The following TSPAN7 variants were observed in gnomAD, a reference collection of about 807,000 sequenced individuals.
TSPAN7 encodes tetraspanin-7.
Under a neutral mutation model 17.6 loss-of-function variants are expected in TSPAN7, and 1 was observed. That is an observed-to-expected ratio of 0.06 (90% CI 0.02 to 0.27). The LOEUF (loss-of-function observed/expected upper bound fraction) is 0.27, where lower values mean the gene tolerates loss of function less well. TSPAN7 is among the 10% of genes least tolerant of loss of function. The probability of loss-of-function intolerance (pLI) is 1.00; values close to 1 mark genes in which losing one functional copy is unlikely to be tolerated. For missense variants in TSPAN7, 112 were observed against 201.7 expected, an observed-to-expected ratio of 0.56 and a Z score of 2.69; for synonymous variants, 78 against 79.0, an observed-to-expected ratio of 0.99 and a Z score of 0.07.
chrX:38,612,700 G>A (rs767493921), intron 1 of TSPAN7: 1 of 112,012 alleles, frequency 8.9e-6, no homozygotes, highest in Non-Finnish European at 1.9e-5. Flanking sequence ...ACCTGAAAAT[G>A]TCTATTCTAC....
At chrX:38,625,579 T>G (rs1237616268) in intron 1 of TSPAN7, among the ~76,000 whole-genome samples, 1 of 111,890 alleles carries the variant, frequency 8.9e-6, no homozygotes, top group Admixed American at 9.5e-5. Context: ...AAAAATATGT[T>G]AAGGGAGAGA....
chrX:38,680,505 G>A (rs2069882248), intron 5 of TSPAN7, among the ~76,000 whole-genome samples: 2 of 104,501 alleles, frequency 1.9e-5, no homozygotes, highest in South Asian at 9.1e-4. Context: ...ACTCTAGGTT[G>A]ATTTGGCCAG....
At position 38,564,978 on chromosome X, in the gene TSPAN7, C is replaced by G. The variant is rs148643125; in HGVS notation, c.81+3351C>G. ...GTTTATTTTTATGAAGTCCAGCTTA[C>G]CTATTTTTTCTTTTTTTTTGTTTAT... On this transcript the variant is annotated intron_variant, in intron 1 of 7. Coordinates refer to ENST00000378482, the MANE Select transcript of TSPAN7 (RefSeq NM_004615.4). 6.2e-3 allele frequency among the ~76,000 whole-genome samples: 654 copies of G among 105,623 alleles called. 2 individuals carry two copies. Among genetic ancestry groups the G allele is most frequent in the Middle Eastern group, 0.014 (3 of 214 alleles). The allele number at this position is 105,623 out of a possible 115,157, so 91.7% of individuals were successfully genotyped here.
intron 1 of TSPAN7, among the ~76,000 whole-genome samples, chrX:38,564,241 A>T (rs1376942597): frequency 9.0e-6 from 1 of 111,304 alleles, no homozygotes; most frequent in Non-Finnish European, 1.9e-5. Flanking sequence ...ATCATACAAT[A>T]GTTGCCCTTT....
intron 5 of TSPAN7, among the ~76,000 whole-genome samples, chrX:38,679,092 C>T (rs1237120189): frequency 8.9e-6 from 1 of 112,128 alleles, no homozygotes; most frequent in Non-Finnish European, 1.9e-5. Context: ...CTGGTTTCTC[C>T]TACTGGTTGG....
chrX:38,675,081 A>T (rs913396466), intron 4 of TSPAN7, among the ~76,000 whole-genome samples: 1 of 112,021 alleles, frequency 8.9e-6, no homozygotes, highest in East Asian at 2.8e-4. Context: ...GGGTTGGCAA[A>T]CTTCTTCTGT....
At chrX:38,615,144 A>G (rs1174608431) in intron 1 of TSPAN7, among the ~76,000 whole-genome samples, 3 of 111,543 alleles carry the variant, frequency 2.7e-5, no homozygotes, top group African/African-American at 9.8e-5. Flanking sequence ...TTGCTAAACA[A>G]TGAAATCTTT....
intron 6 of TSPAN7, among the ~76,000 whole-genome samples, chrX:38,682,015 A>G (rs2069895791): frequency 8.9e-6 from 1 of 111,855 alleles, no homozygotes; most frequent in African/African-American, 3.2e-5. Flanking sequence ...CAAATGATAC[A>G]TCCTTGCTAT....
rs1454703392 is a variant in TSPAN7, at chrX:38,649,716, G to A, written c.82-16405G>A. Among the ~76,000 whole-genome samples, 5 of 112,090 alleles carry A rather than the reference G, an allele frequency of 4.5e-5. No individual in the cohort carries two copies. The East Asian group carries it at 1.4e-3, about 31-fold the overall frequency. ...CACCACAGTTTTCTGATGCTGTACA[G>A]GATGCAGTGTTTAAAGTCAGGCTGA... On this transcript the variant is annotated intron_variant, in intron 1 of 7. Transcript: ENST00000378482.
intron 1 of TSPAN7, among the ~76,000 whole-genome samples, chrX:38,606,256 T>G (rs1377760543): frequency 1.8e-5 from 2 of 111,466 alleles, no homozygotes; most frequent in Admixed American, 9.5e-5. Flanking sequence ...GCAAAGGACA[T>G]GAACAGACAC....
At chrX:38,642,125 T>C (rs1015671061) in intron 1 of TSPAN7, among the ~76,000 whole-genome samples, 3 of 111,918 alleles carry the variant, frequency 2.7e-5, no homozygotes, top group Non-Finnish European at 5.6e-5. Flanking sequence ...ATGTGCAGCT[T>C]CTCTTCAACC....
intron 1 of TSPAN7, among the ~76,000 whole-genome samples, chrX:38,580,831 G>A (rs1333342384): frequency 9.0e-6 from 1 of 111,543 alleles, no homozygotes; most frequent in East Asian, 2.8e-4. Flanking sequence ...GCCCCACTGA[G>A]CCCAGTGCAC....
At chrX:38,563,109 CTGGCGT>C in intron 1 of TSPAN7, 1 of 970,188 alleles carries the variant, frequency 1.0e-6, no homozygotes. Context: ...TTCCTTATCG[CTGGCGT>C]TGGTGGTTCT....
intron 1 of TSPAN7, among the ~76,000 whole-genome samples, chrX:38,608,439 T>C (rs1332382086): frequency 9.0e-6 from 1 of 110,786 alleles, no homozygotes; most frequent in Non-Finnish European, 1.9e-5. Context: ...CAGTATTTGG[T>C]TTTAAAATGT....
intron 3 of TSPAN7, 57 bp from the exon 4 acceptor site, chrX:38,674,164 T>C (rs1243902766): frequency 5.5e-6 from 5 of 916,340 alleles, no homozygotes; most frequent in Non-Finnish European, 7.8e-6. Context: ...TTGGTAAGAA[T>C]TGGAGTCAGT....
chrX:38,571,811 G>C (rs769144619), intron 1 of TSPAN7, among the ~76,000 whole-genome samples: 82 of 111,032 alleles, frequency 7.4e-4, no homozygotes, highest in African/African-American at 2.3e-3. Context: ...GATGCCATTT[G>C]ATATAAATGA....
chrX:38,606,024 C>A (rs1198270077), intron 1 of TSPAN7, among the ~76,000 whole-genome samples: 1 of 108,043 alleles, frequency 9.3e-6, no homozygotes. Context: ...GTCTAAAACA[C>A]CAAAAGCAAT....
intron 5 of TSPAN7, among the ~76,000 whole-genome samples, chrX:38,679,720 C>CA (rs5902196): frequency 0.34 from 26,852 of 79,627 alleles, 4,191 homozygotes; most frequent in East Asian, 0.79. Context: ...GACTCTGTCT[C>CA]AAAAAAAAAA....
intron 1 of TSPAN7, among the ~76,000 whole-genome samples, chrX:38,639,248 C>T (rs1474890552): frequency 9.1e-6 from 1 of 109,631 alleles, no homozygotes; most frequent in African/African-American, 3.3e-5. Flanking sequence ...GTAACAGCCC[C>T]CCTGAGGTGT....
Sources: gnomAD v4.1 joint callset for allele counts (sites outside exome capture counted in the v4.1 genomes callset) on GRCh38, gnomAD v4.1.1 for gene constraint, MANE v1.5 for transcripts, NCBI Gene and HGNC (gene_info 2026-07-23, HGNC 2026-07-21) for gene names.